Variants in IQGAP2 observed in about 807,000 individuals in gnomAD.
IQGAP2 encodes IQ motif containing GTPase activating protein 2, also known as ras GTPase-activating-like protein IQGAP2.
IQGAP2 carries 173 observed loss-of-function variants against 201.3 expected under a neutral mutation model. The observed-to-expected ratio is 0.86, with a 90% CI of 0.76 to 0.98. The LOEUF is 0.98. IQGAP2 is among the 50% of genes least tolerant of loss of function. The pLI, the probability that IQGAP2 is intolerant of heterozygous loss-of-function variation, is 0.00. For synonymous variants in IQGAP2, 675 were observed against 673.9 expected, an observed-to-expected ratio of 1.00 and a Z score of -0.03; for missense variants, 1,687 against 1,864.8, an observed-to-expected ratio of 0.90 and a Z score of 1.76.
intron 1 of IQGAP2, among the ~76,000 whole-genome samples, chr5:76,426,246 A>C (rs1751987997): frequency 6.6e-6 from 1 of 152,196 alleles, no homozygotes. Flanking sequence ...CCCAGAAGAA[A>C]GGTTACAGTA....
intron 9 of IQGAP2, among the ~76,000 whole-genome samples, chr5:76,593,877 C>T (rs3797382): frequency 0.059 from 8,957 of 152,170 alleles, 739 homozygotes; most frequent in East Asian, 0.44. Context: ...AAGTGTACAC[C>T]CACGGTGTTA....
rs1746567658 is a variant in IQGAP2 at position 76,590,443 on chromosome 5, G to T, written c.676G>T (p.Glu226Ter). ...AAVIAINEAV[E>*]KGIAEQTVVT... ...AGTTATAGCCATTAATGAAGCAGTT[G>T]AAAAAGGAATAGCAGAGCAAACCGT... Residue 226 changes from glutamate (E) to a stop codon, truncating the protein, a stop_gained, in exon 8 of 36, where the codon GAA becomes TAA. Coordinates refer to ENST00000274364, the MANE Select transcript of IQGAP2 (RefSeq NM_006633.5). LOFTEE classifies it high-confidence loss of function. 6.2e-7 allele frequency: 1 copy of T among 1,611,008 alleles called. No individual in the cohort carries two copies. The highest frequency in any genetic ancestry group is 8.5e-7 in the Non-Finnish European group (1 of 1,178,814).
chr5:76,619,526 T>C (rs1240529445), intron 13 of IQGAP2, among the ~76,000 whole-genome samples: 1 of 148,524 alleles, frequency 6.7e-6, no homozygotes, highest in Non-Finnish European at 1.5e-5. Flanking sequence ...TTTTTTTTTT[T>C]TTTTTTTTTT....
chr5:76,417,640 G>C (rs1182175587), intron 1 of IQGAP2, among the ~76,000 whole-genome samples: 1 of 152,046 alleles, frequency 6.6e-6, no homozygotes, highest in Non-Finnish European at 1.5e-5. Flanking sequence ...GAGTTCAGTG[G>C]TGCGATCTTG....
chr5:76,592,886 A>G lies in IQGAP2; in HGVS notation c.868A>G (p.Thr290Ala), dbSNP rs373714955. 1.2e-6 allele frequency: 2 copies of G among 1,612,676 alleles called. No individual in the cohort carries two copies. Among genetic ancestry groups the G allele is most frequent in the African/African-American group, 2.7e-5 (2 of 74,890 alleles). The stretch of plus-strand genomic sequence containing the variant: ...AAGAGATGCTTATGAAGAACTGCTG[A>G]CACAAGCAGAAATCCAAGGCAATAT... ...EERDAYEELLTQAEIQGNINK... is the reference protein window; with the variant it reads ...EERDAYEELLAQAEIQGNINK... The change falls in exon 9 of 36, where the codon ACA becomes GCA. Residue 290 changes from threonine (T) to alanine (A), a missense_variant. Coordinates refer to ENST00000274364, the MANE Select transcript of IQGAP2 (RefSeq NM_006633.5).
At chr5:76,674,066 C>T (rs765479087) in intron 26 of IQGAP2, 30 bp downstream of exon 26, 1 of 1,218,246 alleles carries the variant, frequency 8.2e-7, no homozygotes, top group Admixed American at 1.7e-5. Flanking sequence ...CTCACCATAG[C>T]TTCTCCTGGG....
At chr5:76,670,043 G>A (rs928367921) in intron 23 of IQGAP2, among the ~76,000 whole-genome samples, 3 of 152,034 alleles carry the variant, frequency 2.0e-5, no homozygotes, top group Admixed American at 6.5e-5. Flanking sequence ...GGCTGGTCTC[G>A]AACTCCTGAC....
chr5:76,424,258 G>T (rs1169110773), intron 1 of IQGAP2, among the ~76,000 whole-genome samples: 1 of 152,028 alleles, frequency 6.6e-6, no homozygotes, highest in Non-Finnish European at 1.5e-5. Flanking sequence ...CCAATTTTAA[G>T]ATTTCTTTTA....
chr5:76,469,367 T>A (rs1754980147), intron 2 of IQGAP2, among the ~76,000 whole-genome samples: 1 of 152,170 alleles, frequency 6.6e-6, no homozygotes, highest in Admixed American at 6.6e-5. Flanking sequence ...TTATGAAGTC[T>A]TTACGTATAG....
chr5:76,656,921 T>A (rs1742793602), intron 20 of IQGAP2, among the ~76,000 whole-genome samples: 1 of 152,114 alleles, frequency 6.6e-6, no homozygotes, highest in African/African-American at 2.4e-5. Flanking sequence ...CTTTTCTAAG[T>A]TTGTTATCAT....
At chr5:76,432,963 A>C (rs1156379879) in intron 1 of IQGAP2, among the ~76,000 whole-genome samples, 1 of 152,112 alleles carries the variant, frequency 6.6e-6, no homozygotes, top group African/African-American at 2.4e-5. Flanking sequence ...ACATTTGTAA[A>C]ATGGGATATT....
chr5:76,540,068 G>A (rs114008337), intron 2 of IQGAP2, among the ~76,000 whole-genome samples: 1 of 152,112 alleles, frequency 6.6e-6, no homozygotes, highest in Admixed American at 6.5e-5. Flanking sequence ...GGAATTGGAG[G>A]TTCAAAGCGC....
chr5:76,523,076 C>CTTTTTTTTT (rs35277348), intron 2 of IQGAP2, among the ~76,000 whole-genome samples: 2 of 78,374 alleles, frequency 2.6e-5, no homozygotes, highest in African/African-American at 5.1e-5. Flanking sequence ...TTTCTTTTGC[C>CTTTTTTTTT]TTTTTTTTTT....
At chr5:76,516,435 A>G (rs551435389) in intron 2 of IQGAP2, among the ~76,000 whole-genome samples, 69 of 152,300 alleles carry the variant, frequency 4.5e-4, no homozygotes, top group Middle Eastern at 3.4e-3. Flanking sequence ...ACAAAACTTA[A>G]GTCAACTTGT....
At chr5:76,646,062 T>G (rs919222389) in intron 17 of IQGAP2, among the ~76,000 whole-genome samples, 9 of 152,310 alleles carry the variant, frequency 5.9e-5, no homozygotes, top group Admixed American at 5.9e-4. Flanking sequence ...AGGAGTGGAA[T>G]TTATAATATA....
chr5:76,644,965 G>C (rs10066333), intron 17 of IQGAP2, among the ~76,000 whole-genome samples: 97,070 of 151,922 alleles, frequency 0.64, 31,029 homozygotes, highest in South Asian at 0.78. Context: ...CCACCATCTA[G>C]ATTAGGTATT....
chr5:76,496,797 T>TTCTTTCTTTC (rs1561416871), intron 2 of IQGAP2, among the ~76,000 whole-genome samples: 10 of 143,016 alleles, frequency 7.0e-5, no homozygotes, highest in Admixed American at 1.4e-4. Context: ...TTCTTTCTCT[T>TTCTTTCTTTC]TCTTTCTTTC....
intron 1 of IQGAP2, among the ~76,000 whole-genome samples, chr5:76,454,129 C>G (rs35875364): frequency 0.22 from 33,734 of 151,988 alleles, 4,031 homozygotes; most frequent in Middle Eastern, 0.33. Flanking sequence ...AATCCCAAAT[C>G]TAGGAATCAT....
chr5:76,610,344 A>G (rs1451554243), intron 12 of IQGAP2, among the ~76,000 whole-genome samples: 1 of 151,150 alleles, frequency 6.6e-6, no homozygotes, highest in Non-Finnish European at 1.5e-5. Context: ...GCTCAAAATC[A>G]TTAGTCACTA....
Sources: gnomAD v4.1 joint callset for allele counts (sites outside exome capture counted in the v4.1 genomes callset) on GRCh38, gnomAD v4.1.1 for gene constraint, MANE v1.5 for transcripts, NCBI Gene and HGNC (gene_info 2026-07-23, HGNC 2026-07-21) for gene names.